The following DNM3 variants were observed in gnomAD, a reference collection of about 807,000 sequenced individuals.
The protein encoded by DNM3 is dynamin 3.
In DNM3, 47 loss-of-function variants were observed where a neutral mutation model predicts 101.6. The ratio of observed to expected loss-of-function variants is 0.46; its 90% CI spans 0.37 to 0.59. DNM3 has a LOEUF of 0.59. Ranked by LOEUF, DNM3 falls within the 20% of genes least tolerant of loss-of-function variation. DNM3 has a pLI of 0.00. For synonymous variants in DNM3, 385 were observed against 387.9 expected, an observed-to-expected ratio of 0.99 and a Z score of 0.09; for missense variants, 849 against 1,085.7, an observed-to-expected ratio of 0.78 and a Z score of 3.06.
rs190704895 is a variant in DNM3, at chr1:172,141,610, G to A, written c.1659+10322G>A. On this transcript the variant is annotated intron_variant, in intron 14 of 20. Transcript: ENST00000627582. ...AGCTTAAGACTTCAACCAAAAAAGT[G>A]GGGAGAATTCTTTCGTTAGGATTTT... Among the ~76,000 whole-genome samples the A allele has an allele frequency of 6.5e-3, 993 of 152,144 alleles. 10 individuals are homozygous for A. The highest frequency in any genetic ancestry group is 7.1e-3 in the Non-Finnish European group (484 of 67,954).
intron 1 of DNM3, among the ~76,000 whole-genome samples, chr1:171,856,324 T>C (rs763407467): frequency 2.6e-5 from 4 of 152,234 alleles, no homozygotes; most frequent in Non-Finnish European, 5.9e-5. Flanking sequence ...TTAGCTGTGT[T>C]CTTTTTGCTT....
chr1:172,229,024 TA>T (rs1394148760), intron 14 of DNM3, among the ~76,000 whole-genome samples: 2 of 152,192 alleles, frequency 1.3e-5, no homozygotes, highest in Admixed American at 6.5e-5. Flanking sequence ...CATTTCTAAA[TA>T]ACATCTTATC....
chr1:171,876,772 G>T (rs987612263), intron 1 of DNM3, among the ~76,000 whole-genome samples: 1 of 152,204 alleles, frequency 6.6e-6, no homozygotes, highest in Admixed American at 6.5e-5. Flanking sequence ...GGGGATGAAA[G>T]GTTGTTATTC....
At chr1:172,151,059 G>A (rs1210229270) in intron 14 of DNM3, among the ~76,000 whole-genome samples, 1 of 152,090 alleles carries the variant, frequency 6.6e-6, no homozygotes, top group Admixed American at 6.5e-5. Flanking sequence ...ATATATATGT[G>A]TATATAGTAT....
chr1:171,963,016 T>G (rs955369380), intron 2 of DNM3, among the ~76,000 whole-genome samples: 2 of 152,130 alleles, frequency 1.3e-5, no homozygotes, highest in Admixed American at 1.3e-4. Context: ...TAACATATTA[T>G]CCAGCATCCT....
At chr1:172,285,845 C>T (rs1052318326) in intron 15 of DNM3, among the ~76,000 whole-genome samples, 7 of 152,056 alleles carry the variant, frequency 4.6e-5, no homozygotes, top group African/African-American at 1.4e-4. Flanking sequence ...TGTTGATAAA[C>T]TAACACAGAC....
At chr1:172,039,197 T>C (rs2049180803) in intron 7 of DNM3, among the ~76,000 whole-genome samples, 1 of 152,088 alleles carries the variant, frequency 6.6e-6, no homozygotes, top group Non-Finnish European at 1.5e-5. Flanking sequence ...TTGTGTCAAG[T>C]CCCTCTCAAC....
At chr1:172,237,716 C>T (rs536042713) in intron 14 of DNM3, among the ~76,000 whole-genome samples, 25 of 152,212 alleles carry the variant, frequency 1.6e-4, no homozygotes, top group African/African-American at 5.8e-4. Context: ...CAAACATATA[C>T]ATACATTATG....
chr1:172,370,110 G>A (rs1190907442), intron 17 of DNM3: 1 of 151,814 alleles, frequency 6.6e-6, no homozygotes, highest in East Asian at 1.9e-4. Context: ...GAATTTTGTG[G>A]GGGACACAAC....
chr1:172,174,549 T>C (rs2059084254), intron 14 of DNM3, among the ~76,000 whole-genome samples: 1 of 151,752 alleles, frequency 6.6e-6, no homozygotes, highest in African/African-American at 2.4e-5. Context: ...TTATCTTCCT[T>C]GGCTGACATT....
intron 1 of DNM3, among the ~76,000 whole-genome samples, chr1:171,899,595 T>C (rs2038122048): frequency 6.6e-6 from 1 of 152,088 alleles, no homozygotes; most frequent in Non-Finnish European, 1.5e-5. Context: ...TGATAAAGAA[T>C]AATAATGGGT....
chr1:172,061,253 C>A (rs1227862918), intron 10 of DNM3, among the ~76,000 whole-genome samples: 1 of 147,966 alleles, frequency 6.8e-6, no homozygotes, highest in African/African-American at 2.5e-5. Flanking sequence ...GTTGGTGGGA[C>A]TGTAAACTAG....
intron 1 of DNM3, among the ~76,000 whole-genome samples, chr1:171,883,418 G>A (rs1269493075): frequency 2.0e-5 from 1 of 50,736 alleles, no homozygotes; most frequent in Non-Finnish European, 4.4e-5. Flanking sequence ...CACACACCCT[G>A]TCAGAATGAA....
intron 1 of DNM3, among the ~76,000 whole-genome samples, 172 bp from the exon 2 acceptor site, chr1:171,921,576 C>A (rs2040172119): frequency 1.3e-5 from 2 of 151,854 alleles, no homozygotes; most frequent in Admixed American, 6.6e-5. Flanking sequence ...CCTCCTCCTC[C>A]TTTTTTTTAA....
intron 17 of DNM3, among the ~76,000 whole-genome samples, chr1:172,330,846 GTC>G (rs1174707898): frequency 6.6e-6 from 1 of 152,104 alleles, no homozygotes; most frequent in Non-Finnish European, 1.5e-5. Context: ...TTATATGAAT[GTC>G]AAAGATACAT....
chr1:172,190,878 G>T (rs564911998), intron 14 of DNM3, among the ~76,000 whole-genome samples: 1 of 152,046 alleles, frequency 6.6e-6, no homozygotes, highest in Non-Finnish European at 1.5e-5. Flanking sequence ...ATTTTTTCTC[G>T]TAAATTTGTT....
intron 14 of DNM3, among the ~76,000 whole-genome samples, chr1:172,146,336 C>T (rs896844711): frequency 6.6e-6 from 1 of 152,002 alleles, no homozygotes; most frequent in African/African-American, 2.4e-5. Flanking sequence ...TTATGACAAG[C>T]CCTTGTTATC....
At chr1:172,379,929 G>A (rs987150551) in intron 18 of DNM3, among the ~76,000 whole-genome samples, 2 of 152,008 alleles carry the variant, frequency 1.3e-5, no homozygotes, top group African/African-American at 2.4e-5. Flanking sequence ...ATAATGAGGT[G>A]TTTTATAGGG....
intron 17 of DNM3, among the ~76,000 whole-genome samples, chr1:172,362,931 A>C (rs2067819220): frequency 6.6e-6 from 1 of 151,780 alleles, no homozygotes; most frequent in Admixed American, 6.6e-5. Context: ...TTTTATCTAA[A>C]GTAGCCTGGG....
Sources: gnomAD v4.1 joint callset for allele counts (sites outside exome capture counted in the v4.1 genomes callset) on GRCh38, gnomAD v4.1.1 for gene constraint, MANE v1.5 for transcripts, NCBI Gene and HGNC (gene_info 2026-07-23, HGNC 2026-07-21) for gene names.